Variants in MAGI1 observed in about 807,000 individuals in gnomAD.
MAGI1 encodes membrane-associated guanylate kinase, WW and PDZ domain-containing protein 1.
Under a neutral mutation model 139.9 loss-of-function variants are expected in MAGI1, and 58 were observed. The ratio of observed to expected loss-of-function variants is 0.41; its 90% confidence interval spans 0.34 to 0.52. The LOEUF (loss-of-function observed/expected upper bound fraction) is 0.52, where lower values mean the gene tolerates loss of function less well. Among genes scored for constraint, MAGI1 ranks in the 20% least tolerant of loss-of-function variants. The pLI is 0.12. For missense variants in MAGI1, 1,874 were observed against 1,901.6 expected (o/e 0.99, Z 0.27); for synonymous variants, 812 against 737.9 (o/e 1.10, Z -1.63).
At chr3:65,915,329 A>G (rs953025271) in intron 1 of MAGI1, among the ~76,000 whole-genome samples, 1 of 152,210 alleles carries the variant, frequency 6.6e-6, no homozygotes, top group Non-Finnish European at 1.5e-5. Flanking sequence ...CATAAATCCA[A>G]ACACCAACGG....
At chr3:65,565,697 A>T (rs932794229) in intron 2 of MAGI1, among the ~76,000 whole-genome samples, 1 of 151,810 alleles carries the variant, frequency 6.6e-6, no homozygotes, top group African/African-American at 2.4e-5. Flanking sequence ...TCTCTACTAA[A>T]AATACAAAAA....
chr3:65,804,228 AG>A (rs1019940985), intron 1 of MAGI1, among the ~76,000 whole-genome samples: 17 of 152,236 alleles, frequency 1.1e-4, no homozygotes, highest in Non-Finnish European at 2.4e-4. Flanking sequence ...AACATTCTAA[AG>A]AATTAACCAT....
At chr3:65,858,205 C>T (rs1290798061) in intron 1 of MAGI1, among the ~76,000 whole-genome samples, 9 of 152,196 alleles carry the variant, frequency 5.9e-5, no homozygotes, top group Non-Finnish European at 1.3e-4. Context: ...CCATCCTTAG[C>T]ATCAAACAAA....
chr3:65,872,076 TAACTGGGAA>T (rs138033347), intron 1 of MAGI1, among the ~76,000 whole-genome samples: 4,068 of 152,270 alleles, frequency 0.027, 148 homozygotes, highest in East Asian at 0.074. Flanking sequence ...TCCAAATTCC[TAACTGGGAA>T]AACTGGGAAA....
intron 1 of MAGI1, among the ~76,000 whole-genome samples, chr3:65,980,815 TA>T (rs1472404753): frequency 6.6e-6 from 1 of 152,162 alleles, no homozygotes; most frequent in African/African-American, 2.4e-5. Context: ...TTATTCTACT[TA>T]AATCTAAATA....
intron 1 of MAGI1, among the ~76,000 whole-genome samples, chr3:65,990,897 G>C (rs1176699484): frequency 6.6e-6 from 1 of 152,176 alleles, no homozygotes; most frequent in Non-Finnish European, 1.5e-5. Flanking sequence ...TGAGGCAAAA[G>C]AATCACTTGA....
intron 1 of MAGI1, among the ~76,000 whole-genome samples, chr3:65,797,064 C>T (rs72894121): frequency 3.4e-3 from 523 of 152,160 alleles, no homozygotes; most frequent in African/African-American, 0.011. Context: ...TTAGCTATGC[C>T]GCATGAGTTC....
At chr3:65,902,432 C>G (rs1281857291) in intron 1 of MAGI1, among the ~76,000 whole-genome samples, 2 of 152,204 alleles carry the variant, frequency 1.3e-5, no homozygotes, top group African/African-American at 2.4e-5. Flanking sequence ...CCCCTAGACA[C>G]GGACTTGAGA....
intron 3 of MAGI1, among the ~76,000 whole-genome samples, chr3:65,480,824 G>T (rs1326693269): frequency 1.3e-5 from 2 of 152,022 alleles, no homozygotes; most frequent in African/African-American, 2.4e-5. Flanking sequence ...CTGACCTGAG[G>T]TGATCCACCT....
intron 1 of MAGI1, chr3:65,873,177 G>A (rs192365310): frequency 6.6e-6 from 1 of 152,334 alleles, no homozygotes. Flanking sequence ...CGTGGGTAAA[G>A]TGCTGATTTG....
At chr3:65,366,379 A>C (rs1267867591) in intron 18 of MAGI1, among the ~76,000 whole-genome samples, 1 of 152,214 alleles carries the variant, frequency 6.6e-6, no homozygotes, top group Non-Finnish European at 1.5e-5. Flanking sequence ...AAATAACTAA[A>C]TCAAGTGAAT....
At chr3:65,887,303 T>G (rs781252808) in intron 1 of MAGI1, among the ~76,000 whole-genome samples, 2 of 151,502 alleles carry the variant, frequency 1.3e-5, no homozygotes, top group African/African-American at 2.4e-5. Flanking sequence ...TTTGAATTTT[T>G]GCCACAAACA....
intron 2 of MAGI1, among the ~76,000 whole-genome samples, chr3:65,573,878 C>G (rs2081065709): frequency 6.6e-6 from 1 of 152,054 alleles, no homozygotes; most frequent in Non-Finnish European, 1.5e-5. Context: ...TTCATAAGAA[C>G]ACAGTCACAC....
intron 3 of MAGI1, among the ~76,000 whole-genome samples, chr3:65,487,998 T>C (rs764313055): frequency 6.6e-6 from 1 of 152,228 alleles, no homozygotes; most frequent in African/African-American, 2.4e-5. Flanking sequence ...GCTGCCATAA[T>C]GGACAGTACA....
intron 2 of MAGI1, among the ~76,000 whole-genome samples, chr3:65,564,833 A>G (rs909886971): frequency 4.6e-5 from 7 of 152,296 alleles, no homozygotes; most frequent in African/African-American, 1.7e-4. Context: ...GAATAAGTTT[A>G]CTGGCCCCAT....
intron 1 of MAGI1, among the ~76,000 whole-genome samples, chr3:65,955,056 A>C (rs1440019377): frequency 6.6e-6 from 1 of 152,096 alleles, no homozygotes; most frequent in Admixed American, 6.6e-5. Flanking sequence ...AGCAGTTTTA[A>C]CCTCTCTCAT....
At chr3:65,627,831 C>G (rs1310207415) in intron 1 of MAGI1, among the ~76,000 whole-genome samples, 1 of 152,064 alleles carries the variant, frequency 6.6e-6, no homozygotes, top group Non-Finnish European at 1.5e-5. Context: ...ATCTATATAT[C>G]TGGAATTCTG....
intron 2 of MAGI1, among the ~76,000 whole-genome samples, chr3:65,544,072 A>G (rs571473133): frequency 1.3e-5 from 2 of 152,314 alleles, no homozygotes; most frequent in East Asian, 1.9e-4. Context: ...AGAAGCAGAT[A>G]TATAAAGTAG....
intron 1 of MAGI1, among the ~76,000 whole-genome samples, chr3:65,640,970 G>A (rs1035052971): frequency 1.3e-5 from 2 of 152,014 alleles, no homozygotes; most frequent in African/African-American, 4.8e-5. Context: ...TTCCAAACCA[G>A]TCCTTATGAG....
Sources: allele counts gnomAD v4.1 joint callset (sites outside exome capture counted in the v4.1 genomes callset), GRCh38; gene constraint gnomAD v4.1.1; transcripts MANE v1.5; gene names NCBI Gene and HGNC (gene_info 2026-07-23, HGNC 2026-07-21).